Variants in HLA-F observed in about 807,000 individuals in gnomAD.
HLA-F encodes the protein major histocompatibility complex, class I, F.
Under a neutral mutation model 49.5 loss-of-function variants are expected in HLA-F, and 46 were observed. The ratio of observed to expected loss-of-function variants is 0.93; its 90% CI spans 0.73 to 1.19. The LOEUF is 1.19. HLA-F is among the 50% of genes most tolerant of loss of function. HLA-F has a pLI of 0.00. For synonymous variants in HLA-F, 203 were observed against 233.5 expected, an observed-to-expected ratio of 0.87 and a Z score of 1.19; for missense variants, 496 against 579.6, an observed-to-expected ratio of 0.86 and a Z score of 1.48.
At chr6:29,729,323 A>G (rs1347264066), downstream of HLA-F, 3 of 152,226 alleles carry the variant, frequency 2.0e-5, no homozygotes. Context: ...AGTAAAGACA[A>G]GTAAATAAAT....
Position 29,727,177 on chromosome 6 carries a change from T to A in HLA-F, c.*2T>A. The A allele has an allele frequency of 6.4e-7, 1 of 1,571,110 alleles. No individual in the cohort carries two copies. ...GTCCAGATTAAGATTTTTGACTGAG[T>A]CATTCTAAAGTAAGTTGCAAGACCC... On this transcript the variant is annotated 3_prime_UTR_variant, in exon 7 of 7. Coordinates refer to ENST00000259951, the MANE Select transcript of HLA-F (RefSeq NM_001098479.2).
Position 29,727,037 on chromosome 6 carries a change from G to C in HLA-F, c.1191G>C (p.Trp397Cys). 6.2e-7 allele frequency: 1 copy of C among 1,613,304 alleles called. No individual in the cohort carries two copies. Among genetic ancestry groups the C allele is most frequent in the Non-Finnish European group, 8.5e-7 (1 of 1,180,024 alleles). Residue 397 changes from tryptophan (W) to cysteine (C), a missense_variant, in exon 7 of 7, where the codon TGG (tryptophan) becomes TGC (cysteine). Coordinates refer to ENST00000259951, the MANE Select transcript of HLA-F (RefSeq NM_001098479.2). Reference protein sequence around the residue: ...VGDMWILFFLWLWTSFNTAFL... With the variant: ...VGDMWILFFLCLWTSFNTAFL... The stretch of plus-strand genomic sequence containing the variant: ...ACATGTGGATCTTGTTTTTTTTGTG[G>C]CTGTGGACATCTTTCAACACTGCCT...
At chr6:29,738,398 TC>T (rs997247090) in exon 5 of HLA-F, 2 of 152,076 alleles carry the variant, frequency 1.3e-5, no homozygotes, top group Admixed American at 6.5e-5. Context: ...TCTTCTCACC[TC>T]CCCGGACGAT....
At position 29,725,038 on chromosome 6, in the gene HLA-F, A is replaced by G. The variant is rs1485870864; in HGVS notation, c.618A>G (p.Pro206=). Residue 206 remains proline, a synonymous_variant, in exon 4 of 7, where the codon CCA becomes CCG. Transcript: ENST00000259951. The part of the protein sequence containing the change: ...GKETLQRADP[P]KAHVAHHPIS... ...TTTTCTGACTCTTCTCAGATCCTCC[A>G]AAGGCACACGTTGCCCACCACCCCA... The G allele has an allele frequency of 6.2e-7, 1 of 1,613,494 alleles. No homozygotes were observed. The highest frequency in any genetic ancestry group is 1.1e-5 in the South Asian group (1 of 91,054).
At chr6:29,727,394 T>C, downstream of HLA-F, 1 of 472,338 alleles carries the variant, frequency 2.1e-6, no homozygotes, top group African/African-American at 2.0e-5. Flanking sequence ...ACTCGTTGCC[T>C]TTGGTTATGT....
chr6:29,724,150 G>C (rs1049628860), intron 2 of HLA-F, 23 bp from the exon 3 acceptor site: 1 of 1,612,594 alleles, frequency 6.2e-7, no homozygotes, highest in East Asian at 2.2e-5. Context: ...AGCTGGGCGG[G>C]GCTGACTGCG....
At position 29,723,642 on chromosome 6, in the gene HLA-F, C is replaced by A. The variant is rs1775617603; in HGVS notation, c.65-16C>A. 2 of 1,605,674 alleles carry A rather than the reference C, an allele frequency of 1.2e-6. No homozygotes were observed. The highest frequency in any genetic ancestry group is 1.7e-6 in the Non-Finnish European group (2 of 1,176,226). ...GGAGGAGGGTCTGGCGGGTCTCAGC[C>A]CCTCCTCGCCCCCAGGCTCCCACTC... On this transcript the variant is annotated splice_polypyrimidine_tract_variant and intron_variant, in intron 1 of 6. Coordinates refer to ENST00000259951, the MANE Select transcript of HLA-F (RefSeq NM_001098479.2).
chr6:29,734,435 A>G (rs538793461), intron 3 of HLA-F, among the ~76,000 whole-genome samples: 1 of 152,268 alleles, frequency 6.6e-6, no homozygotes, highest in Admixed American at 6.5e-5. Context: ...GCACCTGAGC[A>G]TTTGGATCCA....
At chr6:29,726,773 T>C in intron 6 of HLA-F, 110 bp from the exon 7 acceptor site, 1 of 1,294,318 alleles carries the variant, frequency 7.7e-7, no homozygotes, top group Non-Finnish European at 1.1e-6. Flanking sequence ...GTGTTGACTT[T>C]GGCCACATCA....
At position 29,727,235 on chromosome 6, in the gene HLA-F, ACCT is replaced by A. The variant is rs1776198120; in HGVS notation, c.*64_*66del. On this transcript the variant is annotated 3_prime_UTR_variant, in exon 7 of 7. Transcript: ENST00000259951. ...TAGACCACTAAATACTTCATCACAC[ACCT>A]CCTAAGAATAAGAACCAACATTATC... The A allele has an allele frequency of 3.9e-6, 4 of 1,029,864 alleles. No individual in the cohort carries two copies. The highest frequency in any genetic ancestry group is 5.7e-6 in the Non-Finnish European group (4 of 701,880). 63.8% of individuals were successfully genotyped at this position (1,029,864 alleles called of 1,614,324 possible). A position where few individuals can be genotyped will look rare whatever the true frequency, so the allele number is the denominator to read the frequency against.
downstream of HLA-F, chr6:29,727,303 G>C (rs1776203640): frequency 6.9e-6 from 4 of 577,206 alleles, no homozygotes; most frequent in Non-Finnish European, 1.2e-5. Flanking sequence ...ATTATTTAAA[G>C]TCCTTTTATG....
rs201715782 is a variant in HLA-F at position 29,726,269 on chromosome 6, G to GA, written c.1036+226_1036+227insA. 1,192 of 1,038,966 alleles carry GA rather than the reference G, an allele frequency of 1.1e-3. 1 individual carries two copies. The highest frequency in any genetic ancestry group is 2.3e-3 in the South Asian group (180 of 79,600). 64.4% of individuals were successfully genotyped at this position (1,038,966 alleles called of 1,614,324 possible). On this transcript the variant is annotated intron_variant, in intron 6 of 6. Transcript: ENST00000259951. ...GGGCCCTGATGTGAGTGGGGTGTTG[G>GA]GGGGGAACAGAGGGGACTCAGCTGT... is the stretch of plus-strand genomic sequence containing the variant.
chr6:29,732,395 C>T (rs1776705950), intron 3 of HLA-F, among the ~76,000 whole-genome samples: 2 of 152,208 alleles, frequency 1.3e-5, no homozygotes, highest in African/African-American at 4.8e-5. Flanking sequence ...TCAGTTACAT[C>T]ACCTCCTTAT....
At position 29,725,140 on chromosome 6, in the gene HLA-F, G is replaced by T. The variant is rs1221187007; in HGVS notation, c.720G>T (p.Arg240=). ...CGGAGATCACGCTGACCTGGCAGCG[G>T]GATGGGGAGGAACAGACCCAGGACA... is the stretch of plus-strand genomic sequence containing the variant. The part of the protein sequence containing the change: ...YPAEITLTWQ[R]DGEEQTQDTE... The change falls in exon 4 of 7, where the codon CGG becomes CGT. Residue 240 remains arginine (R), a synonymous_variant. Transcript: ENST00000259951. The T allele has an allele frequency of 6.2e-7, 1 of 1,614,102 alleles. No individual in the cohort carries two copies. The highest frequency in any genetic ancestry group is 8.5e-7 in the Non-Finnish European group (1 of 1,180,036).
At chr6:29,730,030 A>G (rs1306355981), downstream of HLA-F, among the ~76,000 whole-genome samples, 1 of 152,198 alleles carries the variant, frequency 6.6e-6, no homozygotes, top group African/African-American at 2.4e-5. Flanking sequence ...TAAAAACACA[A>G]TTTCCATAGG....
chr6:29,731,485 G>A (rs1393491055), downstream of HLA-F, among the ~76,000 whole-genome samples: 1 of 152,006 alleles, frequency 6.6e-6, no homozygotes, highest in Non-Finnish European at 1.5e-5. Context: ...CATACAACCT[G>A]GAGTTCTGAT....
At position 29,727,019 on chromosome 6, in the gene HLA-F, G is replaced by T. The variant is rs1278849021; in HGVS notation, c.1173G>T (p.Trp391Cys). The T allele has an allele frequency of 1.2e-6, 2 of 1,613,448 alleles. No individual in the cohort carries two copies. The highest frequency in any genetic ancestry group is 1.7e-6 in the Non-Finnish European group (2 of 1,180,052). Residue 391 changes from tryptophan to cysteine, a missense_variant, in exon 7 of 7, where the codon TGG (tryptophan) becomes TGT (cysteine). Transcript: ENST00000259951. ...VLGRRKVGDM[W>C]ILFFLWLWTS... Reference sequence around the variant, plus strand: ...GCCGCCGGAAGGTGGGTGACATGTGGATCTTGTTTTTTTTGTGGCTGTGGA... The same window carrying T: ...GCCGCCGGAAGGTGGGTGACATGTGTATCTTGTTTTTTTTGTGGCTGTGGA...
chr6:29,723,683 C>T lies in HLA-F; in HGVS notation c.90C>T (p.Ser30=), dbSNP rs1256449372. 1.2e-6 allele frequency: 2 copies of T among 1,610,726 alleles called. No homozygotes were observed. Among genetic ancestry groups the T allele is most frequent in the Non-Finnish European group, 1.7e-6 (2 of 1,179,206 alleles). The change falls in exon 2 of 7, where the codon AGC becomes AGT. Residue 30 remains serine, a synonymous_variant. Transcript: ENST00000259951. ...GCTCCCACTCCTTGAGGTATTTCAG[C>T]ACCGCTGTGTCGCGGCCCGGCCGCG... ...WAGSHSLRYF[S]TAVSRPGRGE...
downstream of HLA-F, among the ~76,000 whole-genome samples, chr6:29,732,131 A>ATTTTT (rs9256970): frequency 4.7e-4 from 71 of 151,118 alleles, no homozygotes; most frequent in East Asian, 0.013. Flanking sequence ...TGCCCAGCTA[A>ATTTTT]TTTTTTTTTG....
Sources: gnomAD v4.1 joint callset for allele counts (sites outside exome capture counted in the v4.1 genomes callset) on GRCh38, gnomAD v4.1.1 for gene constraint, MANE v1.5 for transcripts, NCBI Gene and HGNC (gene_info 2026-07-23, HGNC 2026-07-21) for gene names.